CCDC117: variants seen among roughly 807,000 people sequenced by gnomAD.
CCDC117 encodes coiled-coil domain containing 117, also known as coiled-coil domain-containing protein 117.
Under a neutral mutation model 23.5 loss-of-function variants are expected in CCDC117, and 1 was observed. That is an observed-to-expected ratio of 0.04 (90% confidence interval 0.02 to 0.20). The LOEUF (loss-of-function observed/expected upper bound fraction) is 0.20, where lower values mean the gene tolerates loss of function less well. Among genes scored for constraint, CCDC117 ranks in the 10% least tolerant of loss-of-function variants. CCDC117 has a pLI of 1.00. For missense variants in CCDC117, 383 were observed against 348.2 expected (o/e 1.10, Z -0.80); for synonymous variants, 132 against 124.8 (o/e 1.06, Z -0.39).
chr22:28,783,184 G>T (rs1240587505), intron 3 of CCDC117, among the ~76,000 whole-genome samples: 1 of 152,008 alleles, frequency 6.6e-6, no homozygotes, highest in African/African-American at 2.4e-5. Flanking sequence ...CGGATTACAG[G>T]CATGTGTCAC....
At chr22:28,774,068 TTG>T (rs1491345447) in intron 2 of CCDC117, among the ~76,000 whole-genome samples, 5 of 129,104 alleles carry the variant, frequency 3.9e-5, no homozygotes, top group African/African-American at 9.7e-5. Context: ...AGTTTTGTTT[TTG>T]TTTTTTTTTT....
rs1399073615 is a variant in CCDC117 at position 28,787,520 on chromosome 22, T to A, written c.*1194T>A. The A allele has an allele frequency of 6.6e-6, 1 of 152,302 alleles. No homozygotes were observed. The highest frequency in any genetic ancestry group is 2.4e-5 in the African/African-American group (1 of 41,460). The allele number at this position is 152,302 out of a possible 1,614,324, so 9.4% of individuals were successfully genotyped here. A position where few individuals can be genotyped will look rare whatever the true frequency, so the allele number is the denominator to read the frequency against. ...ATGAGCAGGTGACATTGAGGTTTAC[T>A]GAAATAGCCAATTTGACTGGTGCTT... On this transcript the variant is annotated 3_prime_UTR_variant, in exon 5 of 5. Transcript: ENST00000249064.
In CCDC117 at chr22:28,772,806, C is replaced by T. The variant is rs1006326623; in HGVS notation, c.-44C>T. On this transcript the variant is annotated 5_prime_UTR_variant, in exon 1 of 5. Transcript: ENST00000249064. The stretch of plus-strand genomic sequence containing the variant: ...GCTGCGGCTGCCGGGCCTGGGGACG[C>T]GGGCGGCCGAGGCCGCCGTCGCAGC... 8.2e-6 allele frequency: 10 copies of T among 1,215,804 alleles called. No individual in the cohort carries two copies. The African/African-American group carries it at 9.4e-5, about 11-fold the overall frequency. 75.3% of individuals were successfully genotyped at this position (1,215,804 alleles called of 1,614,324 possible).
At chr22:28,778,775 A>G (rs1485681415) in intron 2 of CCDC117, among the ~76,000 whole-genome samples, 1 of 152,174 alleles carries the variant, frequency 6.6e-6, no homozygotes, top group Non-Finnish European at 1.5e-5. Flanking sequence ...AGGCAGTGGG[A>G]TGAGATCTTT....
chr22:28,786,458 G>C lies in CCDC117; in HGVS notation c.*132G>C. The C allele has an allele frequency of 1.6e-6, 1 of 609,582 alleles. No individual in the cohort carries two copies. The highest frequency in any genetic ancestry group is 2.8e-6 in the Non-Finnish European group (1 of 361,004). The allele number at this position is 609,582 out of a possible 1,614,324, so 37.8% of individuals were successfully genotyped here. On this transcript the variant is annotated 3_prime_UTR_variant, in exon 5 of 5. Transcript: ENST00000249064. ...ATAATATCTCCACCTGTGATTTGGG[G>C]GTGGGACTCTTATTTTGGGTAGCCA...
chr22:28,778,672 AAAAT>A (rs1281940569), intron 2 of CCDC117, among the ~76,000 whole-genome samples: 2 of 152,308 alleles, frequency 1.3e-5, no homozygotes, highest in South Asian at 2.1e-4. Context: ...TATAGATGCT[AAAAT>A]AAATAAATAA....
rs868774159 is a variant in CCDC117 at position 28,772,775 on chromosome 22, G to A, written c.-75G>A. On this transcript the variant is annotated 5_prime_UTR_variant, in exon 1 of 5. Coordinates refer to ENST00000249064, the MANE Select transcript of CCDC117 (RefSeq NM_173510.4). The stretch of plus-strand genomic sequence containing the variant: ...CCGAGGCTGGCGGGTTTTGGCAGTA[G>A]CTGTGGCTGCGGCTGCCGGGCCTGG... The A allele has an allele frequency of 2.6e-6, 3 of 1,161,936 alleles. No individual in the cohort carries two copies. In the African/African-American group the frequency reaches 4.8e-5, roughly 19 times the overall value. 72.0% of individuals were successfully genotyped at this position (1,161,936 alleles called of 1,614,324 possible). A position where few individuals can be genotyped will look rare whatever the true frequency, so the allele number is the denominator to read the frequency against.
intron 4 of CCDC117, among the ~76,000 whole-genome samples, chr22:28,785,496 A>G (rs2031484625): frequency 6.6e-6 from 1 of 152,154 alleles, no homozygotes; most frequent in South Asian, 2.1e-4. Context: ...CCCATAAAGC[A>G]TTATACTTTG....
rs1055228768 is a variant in CCDC117 at position 28,788,194 on chromosome 22, ATTC to A, written c.*1871_*1873del. On this transcript the variant is annotated 3_prime_UTR_variant, in exon 5 of 5. Coordinates refer to ENST00000249064, the MANE Select transcript of CCDC117 (RefSeq NM_173510.4). Reference sequence around the variant, plus strand: ...AGATTTCGAGATGAATGTAAACTGTATTCTTTTGAAATGTGCAAGTGTTTGATT... The same window carrying A: ...AGATTTCGAGATGAATGTAAACTGTATTTTGAAATGTGCAAGTGTTTGATT... 5.9e-5 allele frequency: 9 copies of A among 152,664 alleles called. No individual in the cohort carries two copies. The highest frequency in any genetic ancestry group is 2.2e-4 in the African/African-American group (9 of 41,458). The allele number at this position is 152,664 out of a possible 1,614,324, so 9.5% of individuals were successfully genotyped here. A position where few individuals can be genotyped will look rare whatever the true frequency, so the allele number is the denominator to read the frequency against.
chr22:28,781,981 C>T (rs2146252617), intron 3 of CCDC117, among the ~76,000 whole-genome samples: 1 of 128,464 alleles, frequency 7.8e-6, no homozygotes, highest in South Asian at 2.9e-4. Flanking sequence ...CAGGGTCTTG[C>T]TTTGTCACCC....
At chr22:28,781,920 G>A (rs1454687007) in intron 3 of CCDC117, among the ~76,000 whole-genome samples, 1 of 151,774 alleles carries the variant, frequency 6.6e-6, no homozygotes, top group Non-Finnish European at 1.5e-5. Context: ...TGGGATTACA[G>A]GCGTGAGCCA....
chr22:28,776,168 G>T (rs1421054505), intron 2 of CCDC117, among the ~76,000 whole-genome samples: 1 of 152,118 alleles, frequency 6.6e-6, no homozygotes, highest in East Asian at 1.9e-4. Flanking sequence ...CAGCACTTGG[G>T]GAGGCCAGGG....
At chr22:28,779,072 C>G (rs1320405008) in intron 2 of CCDC117, among the ~76,000 whole-genome samples, 1 of 142,044 alleles carries the variant, frequency 7.0e-6, no homozygotes, top group Non-Finnish European at 1.6e-5. Flanking sequence ...CAAGTGATCT[C>G]CTCCCTCAGC....
At position 28,781,330 on chromosome 22, in the gene CCDC117, G is replaced by GTTTTTTTT. The variant is rs1404977996; in HGVS notation, c.464+162_464+163insTTTTTTTT. Among the ~76,000 whole-genome samples, 110 of 37,662 alleles carry GTTTTTTTT rather than the reference G, an allele frequency of 2.9e-3. 2 individuals carry two copies. Among genetic ancestry groups the GTTTTTTTT allele is most frequent in the South Asian group, 0.022 (18 of 814 alleles). 24.7% of individuals were successfully genotyped at this position (37,662 alleles called of 152,430 possible). A position where few individuals can be genotyped will look rare whatever the true frequency, so the allele number is the denominator to read the frequency against. On this transcript the variant is annotated intron_variant, in intron 3 of 4. Coordinates refer to ENST00000249064, the MANE Select transcript of CCDC117 (RefSeq NM_173510.4). The stretch of plus-strand genomic sequence containing the variant: ...AAAGTGTATTCGTTTTTGTTTTTTT[G>GTTTTTTTT]TTTTGTTTTTTTTTTTTTTTTTTTT...
Position 28,788,702 on chromosome 22 carries a change from T to C in CCDC117, c.*2376T>C, listed in dbSNP as rs765911129. ...ATTGTTTTCTTCATCCTTGTGGTGC[T>C]TATTCATCTGAGCCGTCTCCACAGT... On this transcript the variant is annotated 3_prime_UTR_variant, in exon 5 of 5. Coordinates refer to ENST00000249064, the MANE Select transcript of CCDC117 (RefSeq NM_173510.4). 2.0e-5 allele frequency: 3 copies of C among 152,668 alleles called. No homozygotes were observed. Among genetic ancestry groups the C allele is most frequent in the Admixed American group, 6.5e-5 (1 of 15,276 alleles). 9.5% of individuals were successfully genotyped at this position (152,668 alleles called of 1,614,324 possible).
At chr22:28,779,881 G>T (rs2146249801) in intron 2 of CCDC117, among the ~76,000 whole-genome samples, 1 of 152,262 alleles carries the variant, frequency 6.6e-6, no homozygotes, top group East Asian at 1.9e-4. Context: ...AGTACTTTTG[G>T]TCTACGTACA....
At position 28,772,813 on chromosome 22, in the gene CCDC117, C is replaced by T. The variant is rs1033330386; in HGVS notation, c.-37C>T. The T allele has an allele frequency of 6.6e-6, 8 of 1,219,318 alleles. No individual in the cohort carries two copies. Among genetic ancestry groups the T allele is most frequent in the South Asian group, 4.0e-5 (1 of 24,842 alleles). The allele number at this position is 1,219,318 out of a possible 1,614,324, so 75.5% of individuals were successfully genotyped here. ...CTGCCGGGCCTGGGGACGCGGGCGG[C>T]CGAGGCCGCCGTCGCAGCCTCCTCG... is the stretch of plus-strand genomic sequence containing the variant. On this transcript the variant is annotated 5_prime_UTR_variant, in exon 1 of 5. Coordinates refer to ENST00000249064, the MANE Select transcript of CCDC117 (RefSeq NM_173510.4).
At chr22:28,781,365 T>G (rs1355789899) in intron 3 of CCDC117, among the ~76,000 whole-genome samples, 193 bp downstream of exon 3, 1 of 38,752 alleles carries the variant, frequency 2.6e-5, no homozygotes, top group Non-Finnish European at 4.0e-5. Context: ...TTTTTTTTTT[T>G]TTTGAGACGG....
rs1169321116 is a variant in CCDC117, at chr22:28,789,181, A to G, written c.*2855A>G. Reference sequence around the variant, plus strand: ...CTTGGCTTTGTTTTTCAATAGTGACAAGAATGGTTCAGTTCTAGGAATGTT... The same window carrying G: ...CTTGGCTTTGTTTTTCAATAGTGACGAGAATGGTTCAGTTCTAGGAATGTT... On this transcript the variant is annotated 3_prime_UTR_variant, in exon 5 of 5. Transcript: ENST00000249064. 1 of 152,180 alleles carries G rather than the reference A, an allele frequency of 6.6e-6. No individual in the cohort carries two copies. Among genetic ancestry groups the G allele is most frequent in the Non-Finnish European group, 1.5e-5 (1 of 68,034 alleles). 9.4% of individuals were successfully genotyped at this position (152,180 alleles called of 1,614,324 possible). A position where few individuals can be genotyped will look rare whatever the true frequency, so the allele number is the denominator to read the frequency against.
Sources: gnomAD v4.1 joint callset for allele counts (sites outside exome capture counted in the v4.1 genomes callset) on GRCh38, gnomAD v4.1.1 for gene constraint, MANE v1.5 for transcripts, NCBI Gene and HGNC (gene_info 2026-07-23, HGNC 2026-07-21) for gene names.